C12orf54: variants seen among roughly 807,000 people sequenced by gnomAD.
The protein encoded by C12orf54 is chromosome 12 open reading frame 54, also known as uncharacterized protein C12orf54.
Under a neutral mutation model 26.4 loss-of-function variants are expected in C12orf54, and 24 were observed. The observed-to-expected ratio is 0.91, with a 90% CI of 0.66 to 1.28. The LOEUF (loss-of-function observed/expected upper bound fraction) is 1.28, where lower values mean the gene tolerates loss of function less well. Among genes scored for constraint, C12orf54 ranks in the 50% most tolerant of loss-of-function variants. The probability of loss-of-function intolerance (pLI) is 0.00; values close to 1 mark genes in which losing one functional copy is unlikely to be tolerated. For missense variants in C12orf54, 154 were observed against 150.9 expected (o/e 1.02, Z -0.11); for synonymous variants, 54 against 47.0 (o/e 1.15, Z -0.61).
At chr12:48,466,578 A>C in the C12orf54 span, among the ~76,000 whole-genome samples, 1 of 152,132 alleles carries the variant, frequency 6.6e-6, no homozygotes, top group Non-Finnish European at 1.5e-5. Context: ...TTGCAAATGA[A>C]AAGATGCTTA....
the C12orf54 span, among the ~76,000 whole-genome samples, chr12:48,469,318 G>A: frequency 6.6e-6 from 1 of 152,186 alleles, no homozygotes; most frequent in Non-Finnish European, 1.5e-5. Flanking sequence ...CTCCCCCTGG[G>A]AATGCCTTCG....
chr12:48,418,817 T>A, the C12orf54 span, among the ~76,000 whole-genome samples: 21 of 152,182 alleles, frequency 1.4e-4, no homozygotes, highest in Admixed American at 5.2e-4. Context: ...TTAAAAAAAA[T>A]TTTAATATGT....
intron 4 of C12orf54, 119 bp from the exon 5 acceptor site, chr12:48,488,805 T>G (rs533842857): frequency 1.2e-6 from 1 of 822,460 alleles, no homozygotes; most frequent in South Asian, 1.5e-5. Context: ...TCTCTTGGCA[T>G]TCACATTCTA....
the C12orf54 span, among the ~76,000 whole-genome samples, chr12:48,471,557 A>G: frequency 1.3e-5 from 2 of 152,212 alleles, no homozygotes; most frequent in Non-Finnish European, 2.9e-5. Context: ...ATTCTTCTGC[A>G]TATGGCTAGC....
upstream of C12orf54, among the ~76,000 whole-genome samples, chr12:48,479,214 G>A (rs145792059): frequency 0.018 from 2,721 of 152,246 alleles, 32 homozygotes; most frequent in Middle Eastern, 0.027. Context: ...CCTTTGTAGG[G>A]ACATGGATGA....
At chr12:48,450,499 G>C in the C12orf54 span, among the ~76,000 whole-genome samples, 1 of 152,112 alleles carries the variant, frequency 6.6e-6, no homozygotes, top group Non-Finnish European at 1.5e-5. Context: ...CTGAACTGAA[G>C]GAGACAGAGA....
At chr12:48,442,224 G>A in the C12orf54 span, 1 of 204,006 alleles carries the variant, frequency 4.9e-6, no homozygotes, top group Non-Finnish European at 1.1e-5. Flanking sequence ...GCAGTGAGGT[G>A]GGAGGAGCAG....
At chr12:48,437,551 C>G in the C12orf54 span, among the ~76,000 whole-genome samples, 1 of 152,202 alleles carries the variant, frequency 6.6e-6, no homozygotes, top group Admixed American at 6.5e-5. Context: ...AGTTTATCCA[C>G]CATGATCAAG....
At chr12:48,422,495 G>A in the C12orf54 span, among the ~76,000 whole-genome samples, 1 of 151,970 alleles carries the variant, frequency 6.6e-6, no homozygotes. Flanking sequence ...GGAATAAACT[G>A]GAATGACCCA....
At chr12:48,475,150 C>T in the C12orf54 span, among the ~76,000 whole-genome samples, 1 of 152,210 alleles carries the variant, frequency 6.6e-6, no homozygotes, top group Non-Finnish European at 1.5e-5. Flanking sequence ...CTGGAGTGCA[C>T]CTCTAGCAAA....
the C12orf54 span, among the ~76,000 whole-genome samples, chr12:48,429,551 A>T: frequency 6.6e-6 from 1 of 151,816 alleles, no homozygotes; most frequent in African/African-American, 2.4e-5. Flanking sequence ...CAAATCAAGA[A>T]CACAACCCCT....
At chr12:48,495,107 C>T (rs897814804) in intron 8 of C12orf54, 128 bp downstream of exon 8, 3 of 679,260 alleles carry the variant, frequency 4.4e-6, no homozygotes, top group African/African-American at 3.6e-5. Flanking sequence ...TGCAGTCATA[C>T]AAGGGGCAAT....
Position 48,483,307 on chromosome 12 carries a change from A to G in C12orf54, c.11A>G (p.His4Arg), listed in dbSNP as rs1268240215. 1.9e-6 allele frequency: 3 copies of G among 1,613,920 alleles called. No individual in the cohort carries two copies. Among genetic ancestry groups the G allele is most frequent in the Non-Finnish European group, 2.5e-6 (3 of 1,179,950 alleles). The change falls in exon 2 of 9, where the codon CAT becomes CGT. Residue 4 changes from histidine to arginine, a missense_variant. Physicochemically the swap from His to Arg is conservative, Grantham distance 29. Transcript: ENST00000548364. MAQHPCQDQEQKVE... is the reference protein window; with the variant it reads MAQRPCQDQEQKVE... ...TCTGTCTGAGAACAAATGGCACAGC[A>G]TCCCTGCCAGGATCAGGAACAAAAG...
chr12:48,415,331 C>CTGCGG, the C12orf54 span, among the ~76,000 whole-genome samples: 1 of 152,258 alleles, frequency 6.6e-6, no homozygotes, highest in African/African-American at 2.4e-5. Context: ...ATAAAGTTAA[C>CTGCGG]TGCGGTTGAT....
At chr12:48,491,171 A>C (rs1937781553) in intron 6 of C12orf54, among the ~76,000 whole-genome samples, 1 of 152,222 alleles carries the variant, frequency 6.6e-6, no homozygotes, top group South Asian at 2.1e-4. Context: ...TATAATCAAC[A>C]GAAATTTATT....
the C12orf54 span, among the ~76,000 whole-genome samples, chr12:48,449,200 G>T: frequency 6.6e-6 from 1 of 152,070 alleles, no homozygotes; most frequent in Non-Finnish European, 1.5e-5. Context: ...TTTAAAATAT[G>T]CTAGACTCTC....
At chr12:48,487,893 T>G in intron 4 of C12orf54, 1 of 581,686 alleles carries the variant, frequency 1.7e-6, no homozygotes, top group Non-Finnish European at 3.1e-6. Flanking sequence ...TAGGTGGATA[T>G]TTGGTTTTAT....
chr12:48,426,046 C>G, the C12orf54 span, among the ~76,000 whole-genome samples: 1 of 150,860 alleles, frequency 6.6e-6, no homozygotes, highest in Non-Finnish European at 1.5e-5. Flanking sequence ...TCTGTTTACT[C>G]TGTTGATATT....
the C12orf54 span, among the ~76,000 whole-genome samples, chr12:48,446,008 A>G: frequency 6.6e-6 from 1 of 152,216 alleles, no homozygotes; most frequent in Admixed American, 6.5e-5. Context: ...GAAGAATGGC[A>G]GGAAGTAGTA....
Sources: allele counts gnomAD v4.1 joint callset (sites outside exome capture counted in the v4.1 genomes callset), GRCh38; gene constraint gnomAD v4.1.1; transcripts MANE v1.5; gene names NCBI Gene and HGNC (gene_info 2026-07-23, HGNC 2026-07-21).